The following NELL1 variants were observed in gnomAD, a reference collection of about 807,000 sequenced individuals.
NELL1 encodes the protein neural EGFL like 1.
In NELL1, 76 loss-of-function variants were observed where a neutral mutation model predicts 107.4. The observed-to-expected ratio is 0.71, with a 90% CI of 0.59 to 0.86. The LOEUF (loss-of-function observed/expected upper bound fraction) is 0.86, where lower values mean the gene tolerates loss of function less well. NELL1 is among the 40% of genes least tolerant of loss of function. The pLI is 0.00. For missense variants in NELL1, 1,024 were observed against 1,005.5 expected (o/e 1.02, Z -0.25); for synonymous variants, 353 against 341.2 (o/e 1.03, Z -0.38).
chr11:20,820,504 CT>C (rs759026145), intron 3 of NELL1, among the ~76,000 whole-genome samples: 1 of 152,170 alleles, frequency 6.6e-6, no homozygotes, highest in Non-Finnish European at 1.5e-5. Context: ...GGTTAGCACT[CT>C]TAAATTTCTT....
intron 2 of NELL1, among the ~76,000 whole-genome samples, chr11:20,693,109 C>A (rs1227490020): frequency 1.3e-5 from 2 of 151,364 alleles, no homozygotes; most frequent in African/African-American, 2.4e-5. Context: ...GGATTGCAAC[C>A]CCTGCCTTTT....
At chr11:20,884,773 C>T (rs1849474200) in intron 4 of NELL1, among the ~76,000 whole-genome samples, 1 of 152,166 alleles carries the variant, frequency 6.6e-6, no homozygotes, top group Non-Finnish European at 1.5e-5. Context: ...TACTTTTCCT[C>T]CATGAGAGTG....
Position 21,200,952 on chromosome 11 carries a change from A to G in NELL1, c.1427-28380A>G, listed in dbSNP as rs190014075. 3.0e-4 allele frequency among the ~76,000 whole-genome samples: 46 copies of G among 152,120 alleles called. No individual in the cohort carries two copies. In the East Asian group the frequency reaches 7.9e-3, roughly 26 times the overall value. ...GATCAGATGGTTGTAGATGTGTGGC[A>G]TTATTTCTGAGGCCTCTGTTCTGTT... On this transcript the variant is annotated intron_variant, in intron 13 of 19. Coordinates refer to ENST00000357134, the MANE Select transcript of NELL1 (RefSeq NM_006157.5).
intron 12 of NELL1, among the ~76,000 whole-genome samples, chr11:21,018,486 A>G (rs1029319934): frequency 1.3e-5 from 2 of 152,076 alleles, no homozygotes; most frequent in Admixed American, 6.6e-5. Context: ...TGTTGTGGCT[A>G]CAGCAGTGTC....
intron 10 of NELL1, 85 bp downstream of exon 10, chr11:20,937,944 C>A (rs1405076315): frequency 1.5e-6 from 2 of 1,299,838 alleles, no homozygotes; most frequent in East Asian, 2.3e-5. Flanking sequence ...TTGAGTGGGG[C>A]ATATTGGCCT....
intron 15 of NELL1, among the ~76,000 whole-genome samples, chr11:21,475,889 G>A (rs1854319781): frequency 1.3e-5 from 2 of 152,132 alleles, no homozygotes; most frequent in Non-Finnish European, 2.9e-5. Flanking sequence ...AGGATTCAGT[G>A]ACCTCTTACG....
intron 14 of NELL1, among the ~76,000 whole-genome samples, chr11:21,279,892 A>T (rs1205060722): frequency 6.6e-6 from 1 of 152,232 alleles, no homozygotes; most frequent in African/African-American, 2.4e-5. Context: ...CCAAAAAGAA[A>T]TGAACTATCA....
At chr11:21,154,985 G>T (rs1414292238) in intron 13 of NELL1, among the ~76,000 whole-genome samples, 1 of 152,102 alleles carries the variant, frequency 6.6e-6, no homozygotes, top group African/African-American at 2.4e-5. Context: ...TTGTGGGTGA[G>T]GTTAGGCGCA....
Position 21,064,653 on chromosome 11 carries a change from T to C in NELL1, c.1301-48936T>C, listed in dbSNP as rs140891336. Among the ~76,000 whole-genome samples, 1,135 of 152,040 alleles carry C rather than the reference T, an allele frequency of 7.5e-3. 12 individuals carry two copies. Among genetic ancestry groups the C allele is most frequent in the African/African-American group, 0.026 (1,079 of 41,438 alleles). On this transcript the variant is annotated intron_variant, in intron 12 of 19. Coordinates refer to ENST00000357134, the MANE Select transcript of NELL1 (RefSeq NM_006157.5). ...TATAAAAGTCACTCTGGAGGTTCTATGGAGGAAGGATGGGAAAGTGGGGAA... is the reference window on the plus strand; with the variant it reads ...TATAAAAGTCACTCTGGAGGTTCTACGGAGGAAGGATGGGAAAGTGGGGAA...
At chr11:20,868,104 G>A (rs1849128424) in intron 4 of NELL1, among the ~76,000 whole-genome samples, 1 of 152,190 alleles carries the variant, frequency 6.6e-6, no homozygotes, top group African/African-American at 2.4e-5. Context: ...TGTGTGATGT[G>A]AGAGCAGATG....
intron 14 of NELL1, among the ~76,000 whole-genome samples, chr11:21,359,309 C>A (rs189292817): frequency 3.0e-4 from 46 of 152,228 alleles, no homozygotes; most frequent in African/African-American, 1.0e-3. Context: ...TAAACCATCC[C>A]TACATCCTTG....
In NELL1 at chr11:21,225,729, A is replaced by G. The variant is rs139114266; in HGVS notation, c.1427-3603A>G. On this transcript the variant is annotated intron_variant, in intron 13 of 19. Coordinates refer to ENST00000357134, the MANE Select transcript of NELL1 (RefSeq NM_006157.5). ...GCCCACAAGTAATTGTCGCAGCAAT[A>G]TTAGTAGAATTAGTAGTAGTAGTAG... Among the ~76,000 whole-genome samples the G allele has an allele frequency of 4.8e-3, 732 of 152,292 alleles. 6 individuals carry two copies. The highest frequency in any genetic ancestry group is 0.017 in the African/African-American group (704 of 41,550).
At chr11:20,767,958 G>A (rs1856566241) in intron 2 of NELL1, among the ~76,000 whole-genome samples, 1 of 152,172 alleles carries the variant, frequency 6.6e-6, no homozygotes, top group Non-Finnish European at 1.5e-5. Context: ...CTATACTGGA[G>A]AGAGAAAGAG....
At chr11:21,549,452 G>A (rs1489363795) in intron 16 of NELL1, among the ~76,000 whole-genome samples, 1 of 151,884 alleles carries the variant, frequency 6.6e-6, no homozygotes, top group Admixed American at 6.6e-5. Context: ...AAAGATACAT[G>A]ATTCTGTTGT....
intron 13 of NELL1, among the ~76,000 whole-genome samples, chr11:21,153,927 C>G (rs1301848101): frequency 6.6e-6 from 1 of 152,132 alleles, no homozygotes; most frequent in East Asian, 1.9e-4. Flanking sequence ...CCCCTGGAGA[C>G]AGCCATTGAT....
chr11:20,713,267 G>A (rs1412860360), intron 2 of NELL1, among the ~76,000 whole-genome samples: 5 of 152,152 alleles, frequency 3.3e-5, no homozygotes. Context: ...AGGGTTGGTA[G>A]AGAAATACCA....
At chr11:21,013,787 C>G (rs913958903) in intron 12 of NELL1, among the ~76,000 whole-genome samples, 5 of 152,032 alleles carry the variant, frequency 3.3e-5, no homozygotes, top group African/African-American at 1.2e-4. Flanking sequence ...TAGTTTTTGC[C>G]TATTGTCCTT....
intron 4 of NELL1, among the ~76,000 whole-genome samples, chr11:20,862,540 A>T (rs1387317167): frequency 2.0e-5 from 3 of 150,472 alleles, no homozygotes; most frequent in Non-Finnish European, 2.9e-5. Flanking sequence ...GTATCGTGTC[A>T]TCTATACAGC....
chr11:20,691,296 C>T (rs1398664694), intron 2 of NELL1, among the ~76,000 whole-genome samples: 1 of 151,364 alleles, frequency 6.6e-6, no homozygotes, highest in Non-Finnish European at 1.5e-5. Flanking sequence ...GCCTGATTGC[C>T]CTGGCCAGAA....
Sources: gnomAD v4.1 joint callset for allele counts (sites outside exome capture counted in the v4.1 genomes callset) on GRCh38, gnomAD v4.1.1 for gene constraint, MANE v1.5 for transcripts, NCBI Gene and HGNC (gene_info 2026-07-23, HGNC 2026-07-21) for gene names.